Variants in GTF2E2 observed in about 807,000 individuals in gnomAD.
GTF2E2 encodes general transcription factor IIE subunit 2, also known as transcription initiation factor IIE subunit beta.
GTF2E2 carries 21 observed loss-of-function variants against 40.5 expected under a neutral mutation model. The ratio of observed to expected loss-of-function variants is 0.52; its 90% CI spans 0.37 to 0.75. The LOEUF (loss-of-function observed/expected upper bound fraction) is 0.75, where lower values mean the gene tolerates loss of function less well. Ranked by LOEUF, GTF2E2 falls within the 30% of genes least tolerant of loss-of-function variation. The pLI is 0.00. For synonymous variants in GTF2E2, 117 were observed against 121.6 expected, an observed-to-expected ratio of 0.96 and a Z score of 0.25; for missense variants, 298 against 338.4, an observed-to-expected ratio of 0.88 and a Z score of 0.94.
intron 6 of GTF2E2, among the ~76,000 whole-genome samples, chr8:30,595,006 G>T (rs1828959743): frequency 6.6e-6 from 1 of 152,114 alleles, no homozygotes; most frequent in Non-Finnish European, 1.5e-5. Flanking sequence ...TGTTCCATCT[G>T]CTCCTTGTGT....
intron 6 of GTF2E2, chr8:30,584,800 C>G (rs1828623618): frequency 6.6e-6 from 1 of 152,208 alleles, no homozygotes; most frequent in African/African-American, 2.4e-5. Context: ...GCCAGATGGC[C>G]TGGCTGTGAC....
In GTF2E2 at chr8:30,591,176, A is replaced by G. The variant is rs75916908; in HGVS notation, c.644-10780T>C. On this transcript the variant is annotated intron_variant, in intron 6 of 7. Coordinates refer to ENST00000355904, the MANE Select transcript of GTF2E2 (RefSeq NM_002095.6). ...TTAAATGGACAAAGGATTTCAATACACATTTTGCCAAATGAAATATACAGA... is the reference window on the plus strand; with the variant it reads ...TTAAATGGACAAAGGATTTCAATACGCATTTTGCCAAATGAAATATACAGA... 5.4e-4 allele frequency among the ~76,000 whole-genome samples: 83 copies of G among 152,330 alleles called. No individual in the cohort carries two copies. In the East Asian group the frequency reaches 0.013, roughly 24 times the overall value.
Position 30,614,664 on chromosome 8 carries a change from C to T in GTF2E2, c.310G>A (p.Asp104Asn). Residue 104 changes from aspartate (D) to asparagine (N), a missense_variant, in exon 4 of 8, where the codon GAT becomes AAT. Physicochemically the swap from Asp to Asn is conservative, Grantham distance 23 (BLOSUM62 1). Transcript: ENST00000355904. Reference protein sequence around the residue: ...THPLTLDEILDETQHLDIGLK... With the variant: ...THPLTLDEILNETQHLDIGLK... Reference sequence around the variant, plus strand: ...CCAATATCTAAATGTTGTGTTTCATCCAAAATTTCATCTAAGGTTAGAGGA... The same window carrying T: ...CCAATATCTAAATGTTGTGTTTCATTCAAAATTTCATCTAAGGTTAGAGGA... 6.2e-7 allele frequency: 1 copy of T among 1,610,964 alleles called. No homozygotes were observed. Among genetic ancestry groups the T allele is most frequent in the Non-Finnish European group, 8.5e-7 (1 of 1,177,532 alleles).
chr8:30,641,038 G>C (rs1801804757), intron 2 of GTF2E2, among the ~76,000 whole-genome samples: 1 of 152,122 alleles, frequency 6.6e-6, no homozygotes, highest in South Asian at 2.1e-4. Context: ...ATGAAAGTAA[G>C]ATTTAGCCTT....
chr8:30,650,753 C>T (rs1258184236), intron 2 of GTF2E2, among the ~76,000 whole-genome samples: 1 of 148,310 alleles, frequency 6.7e-6, no homozygotes, highest in Non-Finnish European at 1.5e-5. Flanking sequence ...CGGTGGCTCA[C>T]GCCTGTAATC....
At chr8:30,632,739 C>T (rs1332341805) in intron 3 of GTF2E2, among the ~76,000 whole-genome samples, 1 of 152,060 alleles carries the variant, frequency 6.6e-6, no homozygotes, top group East Asian at 1.9e-4. Flanking sequence ...GTAACAAATC[C>T]TTTGGCAAGT....
intron 5 of GTF2E2, among the ~76,000 whole-genome samples, chr8:30,611,542 C>T (rs1219653113): frequency 6.6e-6 from 1 of 151,824 alleles, no homozygotes; most frequent in African/African-American, 2.4e-5. Flanking sequence ...CTGAAAAATA[C>T]AATTAAAAAA....
intron 5 of GTF2E2, among the ~76,000 whole-genome samples, chr8:30,607,771 T>TA (rs1260342747): frequency 4.6e-5 from 7 of 152,236 alleles, no homozygotes; most frequent in African/African-American, 1.4e-4. Flanking sequence ...AGACACATAA[T>TA]AGAATCTTGG....
chr8:30,604,773 AG>A (rs1288293617), intron 6 of GTF2E2, among the ~76,000 whole-genome samples: 1 of 152,284 alleles, frequency 6.6e-6, no homozygotes, highest in East Asian at 1.9e-4. Flanking sequence ...AATGTTTTCT[AG>A]GGGGGAAAGT....
chr8:30,638,999 T>A (rs1483292742), intron 2 of GTF2E2, among the ~76,000 whole-genome samples: 1 of 152,198 alleles, frequency 6.6e-6, no homozygotes, highest in Non-Finnish European at 1.5e-5. Flanking sequence ...AACAAAGGAT[T>A]TTTCTTAAAG....
intron 3 of GTF2E2, among the ~76,000 whole-genome samples, chr8:30,628,654 G>A (rs181655729): frequency 5.2e-4 from 79 of 152,308 alleles, no homozygotes; most frequent in South Asian, 1.4e-3. Flanking sequence ...ACCAGAGGCT[G>A]GGCATGTTGG....
intron 6 of GTF2E2, among the ~76,000 whole-genome samples, chr8:30,588,372 C>A (rs939426158): frequency 6.6e-6 from 1 of 152,156 alleles, no homozygotes; most frequent in African/African-American, 2.4e-5. Flanking sequence ...TATATACACA[C>A]AATGGAATTC....
intron 2 of GTF2E2, among the ~76,000 whole-genome samples, chr8:30,648,647 A>G (rs1490455942): frequency 6.6e-6 from 1 of 152,242 alleles, no homozygotes; most frequent in Non-Finnish European, 1.5e-5. Context: ...AGGCCACAGC[A>G]CTTAACTGCT....
chr8:30,645,370 G>A lies in GTF2E2; in HGVS notation c.166+8063C>T, dbSNP rs1282926303. On this transcript the variant is annotated intron_variant, in intron 2 of 7. Coordinates refer to ENST00000355904, the MANE Select transcript of GTF2E2 (RefSeq NM_002095.6). ...TGTTTATCAGTACCTTGGTTTTCAA[G>A]TTCAAAAAATTTACCCTTTCCATGA... 3.3e-6 allele frequency: 5 copies of A among 1,535,530 alleles called. No individual in the cohort carries two copies. The African/African-American group carries it at 5.5e-5, about 17-fold the overall frequency.
chr8:30,587,803 C>A (rs1042850654), intron 6 of GTF2E2, among the ~76,000 whole-genome samples: 7 of 142,984 alleles, frequency 4.9e-5, no homozygotes, highest in Non-Finnish European at 1.0e-4. Flanking sequence ...ACCCAAGATA[C>A]GGAGGTTGCA....
intron 3 of GTF2E2, among the ~76,000 whole-genome samples, chr8:30,618,877 A>C (rs778401286): frequency 1.3e-5 from 2 of 152,186 alleles, no homozygotes; most frequent in Non-Finnish European, 2.9e-5. Flanking sequence ...TTCTGAGTTT[A>C]AAAGGTATAA....
At chr8:30,655,440 G>A (rs1226157568) in intron 1 of GTF2E2, among the ~76,000 whole-genome samples, 1 of 152,120 alleles carries the variant, frequency 6.6e-6, no homozygotes, top group African/African-American at 2.4e-5. Flanking sequence ...ATTTGACACT[G>A]TTAAGACTAG....
At chr8:30,596,384 T>C (rs1293644924) in intron 6 of GTF2E2, among the ~76,000 whole-genome samples, 4 of 152,238 alleles carry the variant, frequency 2.6e-5, no homozygotes, top group African/African-American at 7.2e-5. Flanking sequence ...CCAAGTTTAA[T>C]AATGAGCTTG....
At chr8:30,603,364 A>G (rs1025374763) in intron 6 of GTF2E2, among the ~76,000 whole-genome samples, 1 of 152,226 alleles carries the variant, frequency 6.6e-6, no homozygotes, top group Admixed American at 6.5e-5. Context: ...AACTGATTCA[A>G]AAGTTAAAGC....
Sources: allele counts gnomAD v4.1 joint callset (sites outside exome capture counted in the v4.1 genomes callset), GRCh38; gene constraint gnomAD v4.1.1; transcripts MANE v1.5; gene names NCBI Gene and HGNC (gene_info 2026-07-23, HGNC 2026-07-21).